Variants in COL21A1 observed in about 807,000 individuals in gnomAD.
COL21A1 encodes collagen alpha-1(XXI) chain.
COL21A1 carries 149 observed loss-of-function variants against 137.9 expected under a neutral mutation model. That is an observed-to-expected ratio of 1.08 (90% confidence interval 0.95 to 1.24). The LOEUF is 1.24. COL21A1 is among the 50% of genes most tolerant of loss of function. The pLI is 0.00. For missense variants in COL21A1, 1,167 were observed against 1,158.4 expected, an observed-to-expected ratio of 1.01 and a Z score of -0.11; for synonymous variants, 456 against 391.5, an observed-to-expected ratio of 1.16 and a Z score of -1.95.
chr6:56,234,065 C>T (rs1283687643), intron 1 of COL21A1, among the ~76,000 whole-genome samples: 2 of 151,562 alleles, frequency 1.3e-5, no homozygotes, highest in Non-Finnish European at 3.0e-5. Context: ...CAGAAAAAAT[C>T]ATTATAATAA....
intron 1 of COL21A1, among the ~76,000 whole-genome samples, chr6:56,371,481 C>T (rs904662495): frequency 2.6e-5 from 4 of 152,144 alleles, no homozygotes; most frequent in South Asian, 2.1e-4. Flanking sequence ...GAAGAGATAT[C>T]GGCCTTCAAC....
chr6:56,305,636 G>A (rs939808586), intron 1 of COL21A1, among the ~76,000 whole-genome samples: 3 of 152,082 alleles, frequency 2.0e-5, no homozygotes, highest in Non-Finnish European at 2.9e-5. Context: ...TCTCATGCAC[G>A]TGAGATGGGT....
In COL21A1 at chr6:56,240,123, G is replaced by C. The variant is rs560719557; in HGVS notation, c.-39+7264C>G. On this transcript the variant is annotated intron_variant, in intron 1 of 29. Coordinates refer to ENST00000244728, the MANE Select transcript of COL21A1 (RefSeq NM_030820.4). ...ATTTGCCTTCCACCATGATTATAAG[G>C]CCTCCCTAGCCACATGGAACTGTGA... is the stretch of plus-strand genomic sequence containing the variant. 3.3e-5 allele frequency among the ~76,000 whole-genome samples: 5 copies of C among 150,580 alleles called. No homozygotes were observed. In the South Asian group the frequency reaches 6.3e-4, roughly 19 times the overall value.
In COL21A1 at chr6:56,075,492, G is replaced by T. The variant is rs758193066; in HGVS notation, c.1898C>A (p.Ala633Asp). ...ACATCAACATACAGGCATCCCTGGG[G>T]CTCCTTTTTTTCCTTGCTGTCCTGG... ...GPPGQQGKKG[A>D]PGMPGLMGSN... is the part of the protein sequence containing the mutation. The change falls in exon 19 of 30, where the codon GCC (alanine) becomes GAC (aspartate). Residue 633 changes from alanine to aspartate, a missense_variant. Coordinates refer to ENST00000244728, the MANE Select transcript of COL21A1 (RefSeq NM_030820.4). The T allele has an allele frequency of 8.5e-6, 13 of 1,537,352 alleles. No homozygotes were observed. Among genetic ancestry groups the T allele is most frequent in the Middle Eastern group, 1.7e-4 (1 of 5,914 alleles).
intron 1 of COL21A1, among the ~76,000 whole-genome samples, chr6:56,358,036 G>A (rs1408576764): frequency 6.6e-6 from 1 of 152,126 alleles, no homozygotes; most frequent in Non-Finnish European, 1.5e-5. Flanking sequence ...TCAATGTCTA[G>A]CTAAGCCTAA....
At chr6:56,296,760 T>C (rs72866986) in intron 1 of COL21A1, among the ~76,000 whole-genome samples, 2,049 of 152,154 alleles carry the variant, frequency 0.013, 22 homozygotes, top group Non-Finnish European at 0.021. Flanking sequence ...ACCAACATTT[T>C]ACATTTTGTT....
At chr6:56,294,548 T>TTTTTAACATCAGTTGCA (rs1222845228) in intron 1 of COL21A1, among the ~76,000 whole-genome samples, 1 of 152,112 alleles carries the variant, frequency 6.6e-6, no homozygotes, top group East Asian at 1.9e-4. Flanking sequence ...GTGTGGTATA[T>TTTTTAACATCAGTTGCA]TTGTTACAAC....
chr6:56,237,861 T>A (rs1378484848), intron 1 of COL21A1, among the ~76,000 whole-genome samples: 1 of 152,158 alleles, frequency 6.6e-6, no homozygotes, highest in East Asian at 1.9e-4. Context: ...TATTCTGAGA[T>A]GTATAGTCTA....
intron 1 of COL21A1, among the ~76,000 whole-genome samples, chr6:56,328,042 A>G (rs1765135406): frequency 6.6e-6 from 1 of 152,040 alleles, no homozygotes; most frequent in Non-Finnish European, 1.5e-5. Context: ...GCTGCCCATC[A>G]TACATTTGGG....
At chr6:56,291,237 C>T (rs1764033800) in intron 1 of COL21A1, among the ~76,000 whole-genome samples, 1 of 152,160 alleles carries the variant, frequency 6.6e-6, no homozygotes, top group East Asian at 1.9e-4. Context: ...CAGAAAGCAG[C>T]TCCAACTCTA....
chr6:56,148,365 AG>A (rs1561917559), intron 10 of COL21A1, among the ~76,000 whole-genome samples: 3 of 151,692 alleles, frequency 2.0e-5, no homozygotes, highest in African/African-American at 7.3e-5. Flanking sequence ...AGAGAGAGAG[AG>A]AGAAACACAT....
chr6:56,250,430 A>G (rs1375537460), upstream of COL21A1, among the ~76,000 whole-genome samples: 1 of 152,206 alleles, frequency 6.6e-6, no homozygotes, highest in Non-Finnish European at 1.5e-5. Context: ...CTGCCTGCGG[A>G]GGTCACATGG....
intron 1 of COL21A1, among the ~76,000 whole-genome samples, chr6:56,341,644 T>TA (rs1765470629): frequency 6.6e-6 from 1 of 152,198 alleles, no homozygotes; most frequent in African/African-American, 2.4e-5. Flanking sequence ...TGTATGCTAT[T>TA]ACAATGATGG....
At chr6:56,322,540 T>C (rs1764893600) in intron 1 of COL21A1, among the ~76,000 whole-genome samples, 2 of 152,146 alleles carry the variant, frequency 1.3e-5, no homozygotes, top group Non-Finnish European at 2.9e-5. Flanking sequence ...GTGTTGATTG[T>C]AATGGCTCCT....
At chr6:56,217,135 G>A (rs191359804) in intron 1 of COL21A1, among the ~76,000 whole-genome samples, 153 of 152,142 alleles carry the variant, frequency 1.0e-3, no homozygotes, top group African/African-American at 3.7e-3. Flanking sequence ...TAGTGTTGCA[G>A]AGTAATACTC....
At chr6:56,072,407 A>G (rs2114103087) in intron 20 of COL21A1, among the ~76,000 whole-genome samples, 1 of 151,610 alleles carries the variant, frequency 6.6e-6, no homozygotes, top group South Asian at 2.1e-4. Flanking sequence ...TAAGTATTAT[A>G]ATATAAATTA....
At chr6:56,359,440 T>C (rs1263437319) in intron 1 of COL21A1, among the ~76,000 whole-genome samples, 1 of 152,182 alleles carries the variant, frequency 6.6e-6, no homozygotes, top group Non-Finnish European at 1.5e-5. Context: ...CACCTCACAA[T>C]ACCTTTCTTC....
At chr6:56,330,251 G>A (rs983782987) in intron 1 of COL21A1, among the ~76,000 whole-genome samples, 1 of 151,628 alleles carries the variant, frequency 6.6e-6, no homozygotes, top group African/African-American at 2.4e-5. Flanking sequence ...ATAGATTTTT[G>A]GTATAAACCA....
chr6:56,322,512 T>C (rs1248229976), intron 1 of COL21A1, among the ~76,000 whole-genome samples: 4 of 152,154 alleles, frequency 2.6e-5, no homozygotes, highest in Non-Finnish European at 5.9e-5. Context: ...AGCAAACTTA[T>C]TTCTCATTGG....
Sources: gnomAD v4.1 joint callset for allele counts (sites outside exome capture counted in the v4.1 genomes callset) on GRCh38, gnomAD v4.1.1 for gene constraint, MANE v1.5 for transcripts, NCBI Gene and HGNC (gene_info 2026-07-23, HGNC 2026-07-21) for gene names.